The following FILIP1L variants were observed in gnomAD, a reference collection of about 807,000 sequenced individuals.
The protein encoded by FILIP1L is filamin A interacting protein 1 like.
In FILIP1L, 55 loss-of-function variants were observed where a neutral mutation model predicts 96.6. That is an observed-to-expected ratio of 0.57 (90% CI 0.46 to 0.71). The LOEUF (loss-of-function observed/expected upper bound fraction) is 0.71. Among genes scored for constraint, FILIP1L ranks in the 30% least tolerant of loss-of-function variants. The probability of loss-of-function intolerance (pLI) is 0.00; values close to 1 mark genes in which losing one functional copy is unlikely to be tolerated. For synonymous variants in FILIP1L, 467 were observed against 473.9 expected, an observed-to-expected ratio of 0.99 and a Z score of 0.19; for missense variants, 1,304 against 1,321.2, an observed-to-expected ratio of 0.99 and a Z score of 0.20.
Position 99,850,166 on chromosome 3 carries a change from G to C in FILIP1L, c.1510C>G (p.Arg504Gly). Reference sequence around the variant, plus strand: ...TTTAATTTTTCACTCATTGTTTTCCGTTCATCTACAAACATCACAGTTAAT... The same window carrying C: ...TTTAATTTTTCACTCATTGTTTTCCCTTCATCTACAAACATCACAGTTAAT... ...KTLTVMFVDE[R>G]KTMSEKLKKT... The change falls in exon 5 of 6, where the codon CGG becomes GGG. Residue 504 changes from arginine (R) to glycine (G), a missense_variant. By Grantham distance (125) the Arg-to-Gly change is moderately radical. Transcript: ENST00000477258. 1 of 1,610,504 alleles carries C rather than the reference G, an allele frequency of 6.2e-7. No homozygotes were observed. The highest frequency in any genetic ancestry group is 8.5e-7 in the Non-Finnish European group (1 of 1,179,350).
intron 1 of FILIP1L, among the ~76,000 whole-genome samples, chr3:99,945,427 A>G (rs553405641): frequency 1.3e-5 from 2 of 152,300 alleles, no homozygotes; most frequent in African/African-American, 4.8e-5. Flanking sequence ...GTGGTTCCAT[A>G]TAGCCCTTTG....
At chr3:100,011,550 A>G (rs1194527895) in intron 1 of FILIP1L, among the ~76,000 whole-genome samples, 1 of 152,084 alleles carries the variant, frequency 6.6e-6, no homozygotes, top group Non-Finnish European at 1.5e-5. Context: ...TTATATCTAT[A>G]AAGCCTGTTG....
At chr3:99,885,341 T>C (rs7619738) in intron 4 of FILIP1L, among the ~76,000 whole-genome samples, 1,767 of 152,348 alleles carry the variant, frequency 0.012, 19 homozygotes, top group African/African-American at 0.026. Context: ...AGATTTATCT[T>C]CAAATGCTGA....
intron 4 of FILIP1L, among the ~76,000 whole-genome samples, chr3:99,873,998 C>T (rs1003669756): frequency 5.9e-5 from 9 of 152,190 alleles, no homozygotes; most frequent in African/African-American, 9.7e-5. Context: ...TAAGAAATTG[C>T]TCATCCAAAG....
At chr3:99,835,965 A>G (rs1343797222) in intron 5 of FILIP1L, among the ~76,000 whole-genome samples, 1 of 152,148 alleles carries the variant, frequency 6.6e-6, no homozygotes, top group African/African-American at 2.4e-5. Context: ...GTGGGAGGAT[A>G]GTTAGTATGG....
At chr3:99,934,791 T>C (rs1707606835) in intron 1 of FILIP1L, among the ~76,000 whole-genome samples, 2 of 152,328 alleles carry the variant, frequency 1.3e-5, no homozygotes, top group Non-Finnish European at 2.9e-5. Context: ...CCAGTGATGA[T>C]ATTCATAAGT....
chr3:100,098,601 G>T (rs1370802260), intron 1 of FILIP1L, among the ~76,000 whole-genome samples: 1 of 152,180 alleles, frequency 6.6e-6, no homozygotes, highest in Admixed American at 6.5e-5. Context: ...ACCAGTACAT[G>T]CAAGGAAGTT....
chr3:99,891,408 G>A (rs1481738078), intron 4 of FILIP1L, among the ~76,000 whole-genome samples: 1 of 152,064 alleles, frequency 6.6e-6, no homozygotes, highest in Non-Finnish European at 1.5e-5. Flanking sequence ...CATTCTCAAA[G>A]CAAAAACCAG....
At chr3:99,894,246 G>T (rs1339901743) in intron 4 of FILIP1L, among the ~76,000 whole-genome samples, 1 of 152,190 alleles carries the variant, frequency 6.6e-6, no homozygotes, top group Non-Finnish European at 1.5e-5. Flanking sequence ...TACTCTTTCA[G>T]TGCTAAGGGA....
intron 5 of FILIP1L, among the ~76,000 whole-genome samples, chr3:99,838,297 C>T (rs957493318): frequency 1.2e-4 from 18 of 152,194 alleles, no homozygotes; most frequent in African/African-American, 4.3e-4. Flanking sequence ...CATTCATTAT[C>T]TCTTGTCACC....
intron 3 of FILIP1L, among the ~76,000 whole-genome samples, chr3:99,924,774 G>C (rs879776726): frequency 6.6e-6 from 1 of 151,952 alleles, no homozygotes; most frequent in East Asian, 1.9e-4. Flanking sequence ...TGCCTGCTTC[G>C]GCCTCCCAAA....
chr3:99,909,137 G>A (rs535043894), intron 4 of FILIP1L, among the ~76,000 whole-genome samples: 1 of 152,336 alleles, frequency 6.6e-6, no homozygotes, highest in African/African-American at 2.4e-5. Context: ...TGGCTAAAGT[G>A]TCATAATTTA....
intron 4 of FILIP1L, among the ~76,000 whole-genome samples, chr3:99,908,871 ATTGTGTGTGTGTGTGTGTTC>A (rs1006769395): frequency 1.3e-5 from 2 of 151,850 alleles, no homozygotes; most frequent in African/African-American, 4.8e-5. Flanking sequence ...AAAAATTCCT[ATTGTGTGTGTGTGTGTGTTC>A]TTTCTTTTAA....
intron 1 of FILIP1L, among the ~76,000 whole-genome samples, chr3:99,968,240 C>T (rs376526031): frequency 1.9e-4 from 29 of 152,178 alleles, no homozygotes; most frequent in African/African-American, 6.0e-4. Flanking sequence ...TATGTTCATA[C>T]GCCCTCAGTG....
chr3:100,004,172 GT>G (rs1385925519), intron 1 of FILIP1L, among the ~76,000 whole-genome samples: 2 of 152,058 alleles, frequency 1.3e-5, no homozygotes, highest in Non-Finnish European at 2.9e-5. Context: ...TAAATTGAGG[GT>G]TTTTTCCCCC....
chr3:100,102,800 G>A (rs922672501), intron 1 of FILIP1L, among the ~76,000 whole-genome samples: 2 of 152,186 alleles, frequency 1.3e-5, no homozygotes, highest in Non-Finnish European at 2.9e-5. Context: ...TCTGAGATCA[G>A]TGACTAAATT....
intron 1 of FILIP1L, among the ~76,000 whole-genome samples, chr3:100,092,514 G>C (rs1411812881): frequency 6.6e-6 from 1 of 151,574 alleles, no homozygotes; most frequent in Non-Finnish European, 1.5e-5. Context: ...AAGGTCTAAA[G>C]ACAAATTTCC....
intron 1 of FILIP1L, among the ~76,000 whole-genome samples, chr3:100,018,723 GT>G (rs1710415805): frequency 1.8e-5 from 2 of 108,124 alleles, no homozygotes; most frequent in African/African-American, 3.5e-5. Flanking sequence ...AAACTTAAAA[GT>G]TTCCGCATAG....
intron 1 of FILIP1L, among the ~76,000 whole-genome samples, chr3:100,002,037 G>A (rs72936523): frequency 0.011 from 1,655 of 152,252 alleles, 34 homozygotes; most frequent in African/African-American, 0.037. Context: ...TCACAAATCT[G>A]CTGGTGATGC....
Sources: gnomAD v4.1 joint callset for allele counts (sites outside exome capture counted in the v4.1 genomes callset) on GRCh38, gnomAD v4.1.1 for gene constraint, MANE v1.5 for transcripts, NCBI Gene and HGNC (gene_info 2026-07-23, HGNC 2026-07-21) for gene names.